Variants in ZSCAN5A observed in about 807,000 individuals in gnomAD.
ZSCAN5A encodes zinc finger and SCAN domain-containing protein 5A.
ZSCAN5A carries 12 observed loss-of-function variants against 23.7 expected under a neutral mutation model. The observed-to-expected ratio is 0.51, with a 90% confidence interval of 0.32 to 0.82. ZSCAN5A has a LOEUF of 0.82. Among genes scored for constraint, ZSCAN5A ranks in the 40% least tolerant of loss-of-function variants. ZSCAN5A has a pLI of 0.03. For missense variants in ZSCAN5A, 597 were observed against 617.9 expected (o/e 0.97, Z 0.36); for synonymous variants, 257 against 239.9 (o/e 1.07, Z -0.66).
At chr19:56,237,213 C>G (rs528592588) in intron 2 of ZSCAN5A, among the ~76,000 whole-genome samples, 4 of 152,248 alleles carry the variant, frequency 2.6e-5, no homozygotes, top group African/African-American at 9.6e-5. Context: ...TTACTTTGTG[C>G]GTTTCATTCA....
rs371491455 is a variant in ZSCAN5A at position 56,266,493 on chromosome 19, C to CCTTTTTTTTTTTT, written c.-127-41321_-127-41320insAAAAAAAAAAAAG. ...GCTTTCTGCTTGGGAGATGCCCCCA[C>CCTTTTTTTTTTTT]TTTTTTTTTTTTTTTTTTTTTTGAG... On this transcript the variant is annotated intron_variant, in intron 2 of 5. Coordinates refer to ENST00000683990, the MANE Select transcript of ZSCAN5A (RefSeq NM_001322064.3). 2.9e-4 allele frequency: 17 copies of CCTTTTTTTTTTTT among 58,002 alleles called. 6 individuals are homozygous for CCTTTTTTTTTTTT. The highest frequency in any genetic ancestry group is 3.3e-4 in the African/African-American group (5 of 15,064). 3.6% of individuals were successfully genotyped at this position (58,002 alleles called of 1,614,324 possible). A position where few individuals can be genotyped will look rare whatever the true frequency, so the allele number is the denominator to read the frequency against.
chr19:56,256,987 G>A (rs1052233220), intron 2 of ZSCAN5A, among the ~76,000 whole-genome samples: 2 of 152,316 alleles, frequency 1.3e-5, no homozygotes, highest in East Asian at 1.9e-4. Flanking sequence ...GAAATTAAAT[G>A]CTCATTTAAC....
intron 2 of ZSCAN5A, chr19:56,244,010 C>A: frequency 1.3e-6 from 1 of 765,076 alleles, no homozygotes; most frequent in East Asian, 2.5e-5. Context: ...GAAGAACTTT[C>A]TCAGAGACTG....
chr19:56,356,162 G>A (rs573182231), intron 2 of ZSCAN5A, among the ~76,000 whole-genome samples: 2 of 148,508 alleles, frequency 1.3e-5, no homozygotes, highest in East Asian at 1.9e-4. Context: ...GTCTTGTAGC[G>A]GGACAATCAG....
At chr19:56,322,540 T>C (rs1276675241) in intron 2 of ZSCAN5A, among the ~76,000 whole-genome samples, 4 of 152,212 alleles carry the variant, frequency 2.6e-5, no homozygotes, top group Non-Finnish European at 5.9e-5. Context: ...GTGTCTTTAA[T>C]AATTGTGGAT....
intron 2 of ZSCAN5A, among the ~76,000 whole-genome samples, chr19:56,350,916 G>C (rs562906103): frequency 1.3e-5 from 2 of 151,958 alleles, no homozygotes; most frequent in East Asian, 3.9e-4. Context: ...AAATGGTGCT[G>C]TGAGCTGAGC....
chr19:56,343,858 C>T (rs1157993994), intron 2 of ZSCAN5A, among the ~76,000 whole-genome samples: 1 of 152,194 alleles, frequency 6.6e-6, no homozygotes, highest in Middle Eastern at 3.4e-3. Flanking sequence ...AAAGCACACA[C>T]CTGTTTTTAG....
chr19:56,300,400 T>C (rs763777001), intron 2 of ZSCAN5A, among the ~76,000 whole-genome samples: 2 of 152,196 alleles, frequency 1.3e-5, no homozygotes, highest in African/African-American at 2.4e-5. Context: ...TGTTTGTTAA[T>C]TGGCTTAATC....
In ZSCAN5A at chr19:56,221,366, A is replaced by T. The variant is rs2033132259; in HGVS notation, c.*209T>A. 1.9e-6 allele frequency: 1 copy of T among 524,350 alleles called. No homozygotes were observed. Among genetic ancestry groups the T allele is most frequent in the African/African-American group, 1.9e-5 (1 of 52,708 alleles). 32.5% of individuals were successfully genotyped at this position (524,350 alleles called of 1,614,324 possible). A position where few individuals can be genotyped will look rare whatever the true frequency, so the allele number is the denominator to read the frequency against. On this transcript the variant is annotated 3_prime_UTR_variant, in exon 6 of 6. Transcript: ENST00000683990. ...AGAACAGCAACACAAACCAAAATAAACCTATAAGAAAACAATGGACATAAT... is the reference window on the plus strand; with the variant it reads ...AGAACAGCAACACAAACCAAAATAATCCTATAAGAAAACAATGGACATAAT...
In ZSCAN5A at chr19:56,237,661, T is replaced by C. The variant is rs372603940; in HGVS notation, c.-127-12488A>G. On this transcript the variant is annotated intron_variant, in intron 2 of 5. Transcript: ENST00000683990. ...GGGCCGGGGCGCGGTGGCTCATGCCTGTAATTCCATTAATTTGGGAAGCTG... is the reference window on the plus strand; with the variant it reads ...GGGCCGGGGCGCGGTGGCTCATGCCCGTAATTCCATTAATTTGGGAAGCTG... Among the ~76,000 whole-genome samples the C allele has an allele frequency of 1.4e-4, 21 of 152,298 alleles. No homozygotes were observed. In the South Asian group the frequency reaches 2.5e-3, roughly 18 times the overall value.
At chr19:56,238,343 A>T (rs757784337) in intron 2 of ZSCAN5A, among the ~76,000 whole-genome samples, 1 of 152,226 alleles carries the variant, frequency 6.6e-6, no homozygotes, top group Non-Finnish European at 1.5e-5. Flanking sequence ...GCTTGATTGT[A>T]GTATAATTAC....
At chr19:56,300,327 G>A (rs1164552064) in intron 2 of ZSCAN5A, among the ~76,000 whole-genome samples, 1 of 152,162 alleles carries the variant, frequency 6.6e-6, no homozygotes, top group Non-Finnish European at 1.5e-5. Flanking sequence ...TAAAGAACTT[G>A]ACAGCTCTAT....
chr19:56,353,736 C>T (rs147413830), intron 2 of ZSCAN5A, among the ~76,000 whole-genome samples: 2 of 151,864 alleles, frequency 1.3e-5, no homozygotes, highest in Non-Finnish European at 2.9e-5. Context: ...GAACCGAGAT[C>T]GTGCCACTGC....
At position 56,235,536 on chromosome 19, in the gene ZSCAN5A, C is replaced by T. The variant is rs71352873; in HGVS notation, c.-127-10363G>A. The stretch of plus-strand genomic sequence containing the variant: ...TGATGGACGGTGGGCCAAGCCTCCA[C>T]TCCAGCCTCTGATTGACCGTGGGCC... On this transcript the variant is annotated intron_variant, in intron 2 of 5. Coordinates refer to ENST00000683990, the MANE Select transcript of ZSCAN5A (RefSeq NM_001322064.3). Among the ~76,000 whole-genome samples the T allele has an allele frequency of 3.1e-4, 20 of 64,166 alleles. 1 individual carries two copies. The highest frequency in any genetic ancestry group is 1.1e-3 in the Admixed American group (7 of 6,160). 42.1% of individuals were successfully genotyped at this position (64,166 alleles called of 152,430 possible).
chr19:56,226,604 G>A (rs947953273), intron 2 of ZSCAN5A, among the ~76,000 whole-genome samples: 3 of 152,090 alleles, frequency 2.0e-5, no homozygotes, highest in Non-Finnish European at 4.4e-5. Context: ...GGTCCTCTGC[G>A]CCCTGTGCTG....
chr19:56,278,038 G>C (rs758066640), intron 2 of ZSCAN5A, among the ~76,000 whole-genome samples: 1 of 151,604 alleles, frequency 6.6e-6, no homozygotes, highest in Non-Finnish European at 1.5e-5. Flanking sequence ...AAATCTCTTT[G>C]ATGTCTAGTT....
intron 2 of ZSCAN5A, among the ~76,000 whole-genome samples, chr19:56,289,825 G>A (rs1005257064): frequency 6.6e-6 from 1 of 152,070 alleles, no homozygotes. Flanking sequence ...TGTTGCTCAG[G>A]CTGATCTTGA....
chr19:56,318,749 T>G (rs115157112), upstream of ZSCAN5A, among the ~76,000 whole-genome samples: 2,103 of 152,262 alleles, frequency 0.014, 45 homozygotes, highest in African/African-American at 0.049. Flanking sequence ...CTACATATTT[T>G]GAAACAGACA....
At chr19:56,244,227 T>C in intron 2 of ZSCAN5A, 1 of 1,606,020 alleles carries the variant, frequency 6.2e-7, no homozygotes. Flanking sequence ...ATCCAGGCTC[T>C]GAGGAAACTC....
Sources: allele counts gnomAD v4.1 joint callset (sites outside exome capture counted in the v4.1 genomes callset), GRCh38; gene constraint gnomAD v4.1.1; transcripts MANE v1.5; gene names NCBI Gene and HGNC (gene_info 2026-07-23, HGNC 2026-07-21).